The following PACC1 variants were observed in gnomAD, a reference collection of about 807,000 sequenced individuals.
The protein encoded by PACC1 is proton-activated chloride channel.
Under a neutral mutation model 39.7 loss-of-function variants are expected in PACC1, and 34 were observed. The ratio of observed to expected loss-of-function variants is 0.86; its 90% CI spans 0.65 to 1.14. PACC1 has a LOEUF of 1.14. PACC1 is among the 50% of genes most tolerant of loss of function. The pLI, the probability that PACC1 is intolerant of heterozygous loss-of-function variation, is 0.00. For missense variants in PACC1, 379 were observed against 436.4 expected, an observed-to-expected ratio of 0.87 and a Z score of 1.17; for synonymous variants, 127 against 160.6, an observed-to-expected ratio of 0.79 and a Z score of 1.58.
At chr1:212,371,981 A>C (rs921221458) in intron 7 of PACC1, among the ~76,000 whole-genome samples, 1 of 152,154 alleles carries the variant, frequency 6.6e-6, no homozygotes, top group African/African-American at 2.4e-5. Flanking sequence ...TCAACATACT[A>C]TCATGATAAA....
intron 6 of PACC1, 26 bp from the exon 7 acceptor site, chr1:212,375,326 G>A: frequency 6.5e-7 from 1 of 1,526,794 alleles, no homozygotes; most frequent in African/African-American, 1.4e-5. Flanking sequence ...AGAAAGCAGT[G>A]TTACCACCTC....
intron 2 of PACC1, among the ~76,000 whole-genome samples, chr1:212,408,923 T>C (rs1222346012): frequency 6.6e-6 from 1 of 152,162 alleles, no homozygotes; most frequent in Non-Finnish European, 1.5e-5. Flanking sequence ...CCATGGCCTG[T>C]TAGGAACTGG....
chr1:212,413,559 T>A (rs746086803), intron 1 of PACC1, among the ~76,000 whole-genome samples: 3 of 152,134 alleles, frequency 2.0e-5, no homozygotes, highest in Non-Finnish European at 2.9e-5. Flanking sequence ...TGGCGGAGCG[T>A]TGATGAAGGA....
At position 212,401,089 on chromosome 1, in the gene PACC1, T is replaced by G. The variant is rs973588158; in HGVS notation, c.133+9336A>C. On this transcript the variant is annotated intron_variant, in intron 2 of 7. Coordinates refer to ENST00000261455, the MANE Select transcript of PACC1 (RefSeq NM_018252.3). ...TTTTTTAGATATAATTTACATACCA[T>G]ACAATTTACCCTTTTAAAGTAAATA... 6.6e-5 allele frequency among the ~76,000 whole-genome samples: 10 copies of G among 152,290 alleles called. No homozygotes were observed. The East Asian group carries it at 1.7e-3, about 26-fold the overall frequency.
In PACC1 at chr1:212,379,951, C is replaced by G. The variant is rs772841687; in HGVS notation, c.582G>C (p.Glu194Asp). The G allele has an allele frequency of 6.2e-7, 1 of 1,614,210 alleles. No homozygotes were observed. Among genetic ancestry groups the G allele is most frequent in the African/African-American group, 1.3e-5 (1 of 75,040 alleles). The part of the protein sequence containing the change: ...FLQFRLNKSS[E>D]DFSAIDYLLF... ...GGAGGTAATCAATGGCGCTGAAGTC[C>G]TCACTACTCTTGTTCAGGCGGAACT... Residue 194 changes from glutamate to aspartate, a missense_variant, in exon 5 of 8, where the codon GAG becomes GAC. Glu to Asp is a conservative substitution (Grantham distance 45). Transcript: ENST00000261455.
chr1:212,367,599 A>G (rs888941745), intron 7 of PACC1, among the ~76,000 whole-genome samples: 2 of 152,170 alleles, frequency 1.3e-5, no homozygotes, highest in Non-Finnish European at 2.9e-5. Context: ...TAGCAACCAC[A>G]GCTCTGATAC....
chr1:212,386,476 C>G lies in PACC1; in HGVS notation c.343+415G>C, dbSNP rs1391848559. ...CCCACCCCACAGTCCAGCCTTGACT[C>G]CTGCTTCTCCTCATCCCTGCCCTCT... is the stretch of plus-strand genomic sequence containing the variant. On this transcript the variant is annotated intron_variant, in intron 3 of 7. Coordinates refer to ENST00000261455, the MANE Select transcript of PACC1 (RefSeq NM_018252.3). The surrounding 1 kb of genome is among the most constrained non-coding windows in gnomAD (Gnocchi z 5.0). Among the ~76,000 whole-genome samples, 1 of 152,106 alleles carries G rather than the reference C, an allele frequency of 6.6e-6. No individual in the cohort carries two copies. The highest frequency in any genetic ancestry group is 1.5e-5 in the Non-Finnish European group (1 of 68,000).
At chr1:212,400,487 C>T (rs1661674192) in intron 2 of PACC1, among the ~76,000 whole-genome samples, 1 of 152,174 alleles carries the variant, frequency 6.6e-6, no homozygotes, top group African/African-American at 2.4e-5. Context: ...AGTTTAGCTT[C>T]TTTACAGGCC....
intron 6 of PACC1, among the ~76,000 whole-genome samples, chr1:212,375,746 G>A (rs532563063): frequency 1.4e-4 from 22 of 152,254 alleles, no homozygotes; most frequent in African/African-American, 5.3e-4. Context: ...TTAGCCAGGT[G>A]TAGTGGTGGG....
At chr1:212,413,161 C>T (rs1167590107) in intron 1 of PACC1, among the ~76,000 whole-genome samples, 12 of 152,050 alleles carry the variant, frequency 7.9e-5, no homozygotes, top group Admixed American at 7.9e-4. Flanking sequence ...GGTTAAAATC[C>T]CTCAGACTCC....
chr1:212,383,665 T>A (rs1448557782), intron 4 of PACC1, among the ~76,000 whole-genome samples: 1 of 152,174 alleles, frequency 6.6e-6, no homozygotes, highest in Non-Finnish European at 1.5e-5. Flanking sequence ...CTAGTATAGG[T>A]CTGGGTTTTG....
At position 212,387,126 on chromosome 1, in the gene PACC1, C is replaced by T. The variant is rs759017055; in HGVS notation, c.134-26G>A. ...CTGACAACAACAAAACACCATGTGA[C>T]CCAGGGCACAGGGACAAGGTACAGA... On this transcript the variant is annotated intron_variant, in intron 2 of 7. Coordinates refer to ENST00000261455, the MANE Select transcript of PACC1 (RefSeq NM_018252.3). 6 of 1,611,326 alleles carry T rather than the reference C, an allele frequency of 3.7e-6. No individual in the cohort carries two copies. The South Asian group carries it at 5.5e-5, about 15-fold the overall frequency.
chr1:212,371,876 T>C (rs1660471506), intron 7 of PACC1, among the ~76,000 whole-genome samples: 3 of 152,248 alleles, frequency 2.0e-5, no homozygotes, highest in Admixed American at 6.5e-5. Context: ...ATTCAACATA[T>C]GCAAATCAAT....
chr1:212,413,171 C>T (rs899022928), intron 1 of PACC1, among the ~76,000 whole-genome samples: 1 of 152,146 alleles, frequency 6.6e-6, no homozygotes, highest in African/African-American at 2.4e-5. Context: ...CCTCAGACTC[C>T]TTTCAGACAA....
At chr1:212,413,052 A>C (rs1211440119) in intron 1 of PACC1, among the ~76,000 whole-genome samples, 1 of 152,216 alleles carries the variant, frequency 6.6e-6, no homozygotes, top group African/African-American at 2.4e-5. Flanking sequence ...ACTGTGCTCC[A>C]CACCCTATAA....
chr1:212,396,912 A>C (rs1349756259), intron 2 of PACC1, among the ~76,000 whole-genome samples: 1 of 152,038 alleles, frequency 6.6e-6, no homozygotes, highest in South Asian at 2.1e-4. Context: ...TGGAGGCCAG[A>C]AGACAATGGA....
chr1:212,404,394 C>G (rs1006026960), intron 2 of PACC1, among the ~76,000 whole-genome samples: 1 of 151,906 alleles, frequency 6.6e-6, no homozygotes, highest in African/African-American at 2.4e-5. Context: ...GCATGAGCCA[C>G]CGCACCCAGC....
At chr1:212,408,275 C>A (rs150215549) in intron 2 of PACC1, among the ~76,000 whole-genome samples, 1 of 151,938 alleles carries the variant, frequency 6.6e-6, no homozygotes, top group Non-Finnish European at 1.5e-5. Flanking sequence ...AAATGGGGTA[C>A]GACAGATCCT....
intron 5 of PACC1, among the ~76,000 whole-genome samples, chr1:212,378,802 G>A (rs868268734): frequency 7.9e-5 from 12 of 152,042 alleles, no homozygotes; most frequent in South Asian, 2.1e-4. Flanking sequence ...ACTCACGTGC[G>A]GATTTTCTTT....
Sources: gnomAD v4.1 joint callset for allele counts (sites outside exome capture counted in the v4.1 genomes callset) on GRCh38, gnomAD v4.1.1 for gene constraint, Gnocchi (gnomAD v3.1) non-coding constraint, MANE v1.5 for transcripts, NCBI Gene and HGNC (gene_info 2026-07-23, HGNC 2026-07-21) for gene names.